Variants in PTGER3 observed in about 807,000 individuals in gnomAD.
PTGER3 encodes prostaglandin E receptor 3, also known as prostaglandin E2 receptor EP3 subtype.
In PTGER3, 22 loss-of-function variants were observed where a neutral mutation model predicts 34.7. The ratio of observed to expected loss-of-function variants is 0.63; its 90% CI spans 0.45 to 0.91. The LOEUF is 0.91. Ranked by LOEUF, PTGER3 falls within the 40% of genes least tolerant of loss-of-function variation. PTGER3 has a pLI of 0.00. For synonymous variants in PTGER3, 241 were observed against 230.1 expected (o/e 1.05, Z -0.43); for missense variants, 468 against 519.4 (o/e 0.90, Z 0.96).
chr1:70,855,092 A>C (rs1005787073), intron 4 of PTGER3, among the ~76,000 whole-genome samples: 1 of 152,224 alleles, frequency 6.6e-6, no homozygotes, highest in Non-Finnish European at 1.5e-5. Context: ...TGACATATAA[A>C]TGGATACAGA....
chr1:70,855,663 A>G (rs1031607110), intron 4 of PTGER3, among the ~76,000 whole-genome samples: 2 of 152,206 alleles, frequency 1.3e-5, no homozygotes, highest in Non-Finnish European at 1.5e-5. Context: ...ATTATGACAG[A>G]GTATTAATAT....
At chr1:70,948,300 C>T (rs1038730478), downstream of PTGER3, among the ~76,000 whole-genome samples, 3 of 152,082 alleles carry the variant, frequency 2.0e-5, no homozygotes, top group African/African-American at 4.8e-5. Flanking sequence ...AGTGAGGTCT[C>T]ATGAGATCTG....
intron 4 of PTGER3, among the ~76,000 whole-genome samples, chr1:70,935,776 G>A (rs1385388042): frequency 6.6e-6 from 1 of 150,660 alleles, no homozygotes; most frequent in African/African-American, 2.5e-5. Context: ...GAGATCCATG[G>A]GATCAAAGAT....
rs537281274 is a variant in PTGER3, at chr1:70,964,619, G to A, written c.1078-10830C>T. Among the ~76,000 whole-genome samples the A allele has an allele frequency of 2.0e-5, 3 of 152,242 alleles. No individual in the cohort carries two copies. The East Asian group carries it at 5.8e-4, about 29-fold the overall frequency. On this transcript the variant is annotated intron_variant, in intron 2 of 3. Transcript: ENST00000356595. ...CCCCATGATTCAATTACTTCCCAGT[G>A]GGTCCCTCCCATGACAGGTGGGAAT... is the stretch of plus-strand genomic sequence containing the variant.
intron 2 of PTGER3, among the ~76,000 whole-genome samples, chr1:70,985,077 C>T (rs376229420): frequency 3.3e-5 from 5 of 151,970 alleles, no homozygotes; most frequent in East Asian, 3.9e-4. Flanking sequence ...GGGCCTTTGC[C>T]GACAAAATCC....
intron 4 of PTGER3, among the ~76,000 whole-genome samples, chr1:70,920,823 A>C (rs1214936711): frequency 6.6e-6 from 1 of 152,212 alleles, no homozygotes; most frequent in Admixed American, 6.5e-5. Flanking sequence ...AATGTGGTTA[A>C]ATGAAGAAGG....
At chr1:71,006,035 T>C (rs1656926155) in intron 2 of PTGER3, 1 of 605,410 alleles carries the variant, frequency 1.7e-6, no homozygotes, top group Non-Finnish European at 2.1e-6. Flanking sequence ...ATAGCCTCCT[T>C]CTAGCTATTT....
chr1:70,940,437 C>T (rs1226883619), intron 4 of PTGER3, among the ~76,000 whole-genome samples: 2 of 152,130 alleles, frequency 1.3e-5, no homozygotes, highest in African/African-American at 2.4e-5. Context: ...ATGCCCCACT[C>T]TACTGGTACC....
chr1:70,871,493 A>T (rs1294162166), intron 4 of PTGER3, among the ~76,000 whole-genome samples: 1 of 152,210 alleles, frequency 6.6e-6, no homozygotes. Context: ...TAGGGCTGAC[A>T]GCAGAGACTA....
intron 4 of PTGER3, among the ~76,000 whole-genome samples, chr1:70,918,066 T>C (rs910138472): frequency 2.6e-5 from 4 of 151,936 alleles, no homozygotes; most frequent in Non-Finnish European, 5.9e-5. Flanking sequence ...TGGAACAGAA[T>C]AGAGAATCCC....
chr1:71,018,465 T>G (rs1658111374), intron 1 of PTGER3, among the ~76,000 whole-genome samples: 1 of 152,170 alleles, frequency 6.6e-6, no homozygotes, highest in Non-Finnish European at 1.5e-5. Context: ...GAAAAAAAGC[T>G]TATTAATCCC....
chr1:70,896,581 G>A (rs181062394), intron 4 of PTGER3, among the ~76,000 whole-genome samples: 1 of 152,142 alleles, frequency 6.6e-6, no homozygotes, highest in Non-Finnish European at 1.5e-5. Context: ...GTGGTAAATT[G>A]TTACAGCAGC....
intron 2 of PTGER3, among the ~76,000 whole-genome samples, chr1:71,005,372 A>G (rs1274013761): frequency 6.6e-6 from 1 of 152,164 alleles, no homozygotes; most frequent in East Asian, 1.9e-4. Flanking sequence ...AATATCCTAC[A>G]ATGTCCTTCC....
chr1:70,881,417 T>A (rs1423290839), intron 4 of PTGER3, among the ~76,000 whole-genome samples: 1 of 152,220 alleles, frequency 6.6e-6, no homozygotes, highest in African/African-American at 2.4e-5. Context: ...GACATTTTGG[T>A]CATTGCAGCC....
intron 4 of PTGER3, among the ~76,000 whole-genome samples, chr1:70,872,659 C>T (rs182758527): frequency 6.6e-6 from 1 of 152,296 alleles, no homozygotes; most frequent in African/African-American, 2.4e-5. Context: ...TATATGACAT[C>T]TAGACCACAA....
chr1:70,990,374 CACACACACACACATAT>C (rs1655338023), intron 2 of PTGER3, among the ~76,000 whole-genome samples: 2 of 106,718 alleles, frequency 1.9e-5, no homozygotes, highest in South Asian at 6.8e-4. Flanking sequence ...CACACACACA[CACACACACACACATAT>C]ATATATATAT....
At chr1:70,917,403 T>TTTTGTGTGTGTGTG (rs1340036484) in intron 4 of PTGER3, among the ~76,000 whole-genome samples, 2 of 136,278 alleles carry the variant, frequency 1.5e-5, no homozygotes, top group Non-Finnish European at 3.1e-5. Flanking sequence ...GTATTTTATT[T>TTTTGTGTGTGTGTG]TGTGTGTGTG....
intron 2 of PTGER3, among the ~76,000 whole-genome samples, chr1:71,002,564 A>G (rs926171965): frequency 1.3e-5 from 2 of 152,234 alleles, no homozygotes; most frequent in Non-Finnish European, 2.9e-5. Flanking sequence ...GCTTTGGATT[A>G]TTAATAGTCT....
rs373208837 is a variant in PTGER3 at position 70,942,840 on chromosome 1, A to C, written c.*23+10923T>G. On this transcript the variant is annotated intron_variant, in intron 4 of 4. Transcript: ENST00000370931. ...AGAGAGACAAGGGATGTGCAGGCACAGGACACAAAGAGAAGGTGTTCACCT... is the reference window on the plus strand; with the variant it reads ...AGAGAGACAAGGGATGTGCAGGCACCGGACACAAAGAGAAGGTGTTCACCT... Among the ~76,000 whole-genome samples the C allele has an allele frequency of 4.9e-4, 74 of 152,334 alleles. No individual in the cohort carries two copies. In the Middle Eastern group the frequency reaches 0.01, roughly 21 times the overall value.
Sources: gnomAD v4.1 joint callset for allele counts (sites outside exome capture counted in the v4.1 genomes callset) on GRCh38, gnomAD v4.1.1 for gene constraint, MANE v1.5 for transcripts, NCBI Gene and HGNC (gene_info 2026-07-23, HGNC 2026-07-21) for gene names.